MTUS2: variants seen among roughly 807,000 people sequenced by gnomAD.
The protein encoded by MTUS2 is microtubule associated scaffold protein 2.
Under a neutral mutation model 114.1 loss-of-function variants are expected in MTUS2, and 40 were observed. The ratio of observed to expected loss-of-function variants is 0.35; its 90% CI spans 0.27 to 0.46. The LOEUF is 0.46. MTUS2 is among the 20% of genes least tolerant of loss of function. The pLI is 1.00. For missense variants in MTUS2, 1,679 were observed against 1,705.4 expected (o/e 0.98, Z 0.27); for synonymous variants, 688 against 672.0 (o/e 1.02, Z -0.37).
chr13:29,280,630 C>G (rs1898230818), intron 5 of MTUS2, among the ~76,000 whole-genome samples: 1 of 152,022 alleles, frequency 6.6e-6, no homozygotes, highest in African/African-American at 2.4e-5. Context: ...AGGATGAAAA[C>G]AAAAAATTTA....
At chr13:29,465,530 A>G (rs1879828923) in intron 9 of MTUS2, among the ~76,000 whole-genome samples, 1 of 152,114 alleles carries the variant, frequency 6.6e-6, no homozygotes, top group Non-Finnish European at 1.5e-5. Flanking sequence ...TAAAATTATA[A>G]TCTTTGCACA....
chr13:29,502,744 T>G (rs1882991029), intron 15 of MTUS2, among the ~76,000 whole-genome samples: 1 of 152,250 alleles, frequency 6.6e-6, no homozygotes, highest in African/African-American at 2.4e-5. Flanking sequence ...GGACAGCCAG[T>G]GCCTCCCCTG....
At chr13:29,204,638 G>A (rs546409382) in intron 5 of MTUS2, among the ~76,000 whole-genome samples, 27 of 152,214 alleles carry the variant, frequency 1.8e-4, no homozygotes, top group African/African-American at 6.0e-4. Flanking sequence ...AGGGCCCAAT[G>A]TTTCTGGGCT....
At chr13:28,921,793 G>C (rs1881055674) in intron 2 of MTUS2, among the ~76,000 whole-genome samples, 1 of 152,152 alleles carries the variant, frequency 6.6e-6, no homozygotes, top group South Asian at 2.1e-4. Context: ...GCATGTCTTT[G>C]CTCTCCAATA....
At position 29,024,738 on chromosome 13, in the gene MTUS2, C is replaced by T. The variant is rs768302007; in HGVS notation, c.40C>T (p.Gln14Ter). 6 of 1,613,990 alleles carry T rather than the reference C, an allele frequency of 3.7e-6. No homozygotes were observed. Among genetic ancestry groups the T allele is most frequent in the Non-Finnish European group, 5.1e-6 (6 of 1,179,890 alleles). The part of the protein sequence containing the change: ...PVAPKKSCYT[Q>*]LRDNRNAARN... ...GGCTCCTAAGAAATCATGTTACACT[C>T]AGTTGCGGGACAACAGAAATGCAGC... is the stretch of plus-strand genomic sequence containing the variant. The change falls in exon 3 of 16, where the codon CAG becomes TAG. Residue 14 changes from glutamine (Q) to a stop codon, truncating the protein, a stop_gained. Coordinates refer to ENST00000612955, the MANE Select transcript of MTUS2 (RefSeq NM_001033602.4). LOFTEE classifies it high-confidence loss of function.
At chr13:29,146,746 G>A (rs775816843) in intron 5 of MTUS2, among the ~76,000 whole-genome samples, 1 of 152,152 alleles carries the variant, frequency 6.6e-6, no homozygotes, top group Non-Finnish European at 1.5e-5. Flanking sequence ...CATTGTCTTG[G>A]TGAAGTTGAG....
At chr13:29,348,452 T>G (rs1221570630) in intron 7 of MTUS2, among the ~76,000 whole-genome samples, 1 of 152,124 alleles carries the variant, frequency 6.6e-6, no homozygotes, top group Non-Finnish European at 1.5e-5. Context: ...TCCTTTTAAA[T>G]TTATTGAGCC....
chr13:29,349,209 G>T (rs1869010986), intron 7 of MTUS2, among the ~76,000 whole-genome samples: 2 of 151,454 alleles, frequency 1.3e-5, no homozygotes, highest in Non-Finnish European at 2.9e-5. Context: ...GTTCTCAGTG[G>T]TTGTTTTAGG....
At chr13:29,446,348 T>C (rs1321595054) in intron 9 of MTUS2, among the ~76,000 whole-genome samples, 1 of 152,226 alleles carries the variant, frequency 6.6e-6, no homozygotes, top group Admixed American at 6.5e-5. Context: ...CCTATCCATT[T>C]CATTTTAGGG....
chr13:29,340,110 C>T lies in MTUS2; in HGVS notation c.2905+15399C>T, dbSNP rs548122994. ...CACCCTCTGGCCATAGGGTTCCGCA[C>T]GGGCCAGGCCGGTGCCTCGCGGAAT... On this transcript the variant is annotated intron_variant, in intron 7 of 15. Transcript: ENST00000612955. 1.9e-3 allele frequency among the ~76,000 whole-genome samples: 292 copies of T among 152,314 alleles called. 1 individual carries two copies. The highest frequency in any genetic ancestry group is 3.2e-3 in the Non-Finnish European group (218 of 68,020).
rs1032989158 is a variant in MTUS2 at position 29,219,348 on chromosome 13, A to C, written c.2645-62356A>C. On this transcript the variant is annotated intron_variant, in intron 5 of 15. Coordinates refer to ENST00000612955, the MANE Select transcript of MTUS2 (RefSeq NM_001033602.4). ...TAGTATTCCATGGTGTATATGTGCCACATTTTCTTAATCCAGTCTATCATT... is the reference window on the plus strand; with the variant it reads ...TAGTATTCCATGGTGTATATGTGCCCCATTTTCTTAATCCAGTCTATCATT... 1.4e-4 allele frequency among the ~76,000 whole-genome samples: 21 copies of C among 149,928 alleles called. 1 individual carries two copies. The South Asian group carries it at 2.4e-3, about 17-fold the overall frequency.
intron 8 of MTUS2, among the ~76,000 whole-genome samples, chr13:29,393,349 C>T (rs1482795665): frequency 5.0e-5 from 7 of 140,554 alleles, no homozygotes; most frequent in Non-Finnish European, 4.4e-5. Context: ...TTGTCGCTCC[C>T]GCTCCATTTC....
intron 4 of MTUS2, among the ~76,000 whole-genome samples, chr13:29,080,075 A>G (rs1265475842): frequency 6.6e-6 from 1 of 152,150 alleles, no homozygotes; most frequent in East Asian, 1.9e-4. Flanking sequence ...TATTTCAACA[A>G]TATTATATAG....
chr13:28,860,097 A>G (rs889580485), intron 2 of MTUS2, among the ~76,000 whole-genome samples: 6 of 152,226 alleles, frequency 3.9e-5, no homozygotes, highest in South Asian at 2.1e-4. Flanking sequence ...GCCATGTGCT[A>G]TGATGTTCTG....
At chr13:29,098,128 C>G (rs931478848) in intron 4 of MTUS2, among the ~76,000 whole-genome samples, 1 of 152,108 alleles carries the variant, frequency 6.6e-6, no homozygotes, top group Non-Finnish European at 1.5e-5. Context: ...TACTCCAGAC[C>G]AACTCTCATG....
intron 8 of MTUS2, among the ~76,000 whole-genome samples, chr13:29,375,015 G>T (rs1282300068): frequency 7.2e-5 from 11 of 152,112 alleles, no homozygotes; most frequent in African/African-American, 2.7e-4. Flanking sequence ...TGATCTAAAA[G>T]AACTGTTAAA....
chr13:29,230,012 C>T (rs1227133303), intron 5 of MTUS2, among the ~76,000 whole-genome samples: 3 of 152,208 alleles, frequency 2.0e-5, no homozygotes, highest in African/African-American at 7.2e-5. Context: ...TTTGGGTGGC[C>T]GAGGCAGGCG....
At chr13:29,051,124 G>A (rs1342423624) in intron 4 of MTUS2, among the ~76,000 whole-genome samples, 1 of 152,166 alleles carries the variant, frequency 6.6e-6, no homozygotes, top group Admixed American at 6.5e-5. Context: ...GGAGAGGTCA[G>A]TTGTGAGCTG....
At chr13:29,177,792 A>G (rs1278689775) in intron 5 of MTUS2, among the ~76,000 whole-genome samples, 3 of 152,154 alleles carry the variant, frequency 2.0e-5, no homozygotes, top group African/African-American at 7.2e-5. Context: ...TGCCTATAGT[A>G]GCATCGTGGA....
Sources: gnomAD v4.1 joint callset for allele counts (sites outside exome capture counted in the v4.1 genomes callset) on GRCh38, gnomAD v4.1.1 for gene constraint, MANE v1.5 for transcripts, NCBI Gene and HGNC (gene_info 2026-07-23, HGNC 2026-07-21) for gene names.